THSD7B: variants seen among roughly 807,000 people sequenced by gnomAD.
THSD7B encodes thrombospondin type 1 domain containing 7B.
In THSD7B, 138 loss-of-function variants were observed where a neutral mutation model predicts 213.6. The observed-to-expected ratio is 0.65, with a 90% CI of 0.56 to 0.74. The LOEUF is 0.74. Ranked by LOEUF, THSD7B falls within the 30% of genes least tolerant of loss-of-function variation. The probability of loss-of-function intolerance (pLI) is 0.00; values close to 1 mark genes in which losing one functional copy is unlikely to be tolerated. For missense variants in THSD7B, 1,931 were observed against 1,991.5 expected (o/e 0.97, Z 0.58); for synonymous variants, 742 against 687.0 (o/e 1.08, Z -1.25).
At chr2:137,352,364 A>G (rs1478889722) in intron 12 of THSD7B, among the ~76,000 whole-genome samples, 1 of 151,952 alleles carries the variant, frequency 6.6e-6, no homozygotes, top group Non-Finnish European at 1.5e-5. Flanking sequence ...GAAAGTCCAC[A>G]TGCCAAGTTG....
At chr2:136,897,765 CAG>C (rs1229786188) in intron 2 of THSD7B, among the ~76,000 whole-genome samples, 1 of 152,150 alleles carries the variant, frequency 6.6e-6, no homozygotes, top group African/African-American at 2.4e-5. Context: ...TAGCTAGACA[CAG>C]AGCGCTGATT....
chr2:137,661,721 C>G (rs1040503070), intron 25 of THSD7B, among the ~76,000 whole-genome samples: 1 of 152,066 alleles, frequency 6.6e-6, no homozygotes, highest in Non-Finnish European at 1.5e-5. Context: ...CCTCTTTGAC[C>G]TTTGACTTGG....
chr2:137,164,528 G>A (rs978744717), intron 6 of THSD7B, among the ~76,000 whole-genome samples: 3 of 152,016 alleles, frequency 2.0e-5, no homozygotes, highest in African/African-American at 7.3e-5. Flanking sequence ...TCCCATTACT[G>A]GGTATATACC....
intron 14 of THSD7B, among the ~76,000 whole-genome samples, chr2:137,430,574 G>T (rs1687154978): frequency 6.6e-6 from 1 of 152,218 alleles, no homozygotes; most frequent in Non-Finnish European, 1.5e-5. Flanking sequence ...GAAACTCAGG[G>T]ACTCTGGCCC....
At chr2:137,032,231 T>A (rs998899867) in intron 2 of THSD7B, among the ~76,000 whole-genome samples, 1 of 151,964 alleles carries the variant, frequency 6.6e-6, no homozygotes, top group Non-Finnish European at 1.5e-5. Context: ...AGTTGGGACA[T>A]GAAGTTAAAA....
intron 5 of THSD7B, among the ~76,000 whole-genome samples, chr2:137,148,840 G>A (rs945698703): frequency 2.6e-5 from 4 of 152,166 alleles, no homozygotes; most frequent in African/African-American, 7.2e-5. Flanking sequence ...GCAGCCTGAC[G>A]ATGCCATTGA....
chr2:136,941,086 A>G (rs1684819058), intron 2 of THSD7B, among the ~76,000 whole-genome samples: 1 of 151,952 alleles, frequency 6.6e-6, no homozygotes, highest in East Asian at 1.9e-4. Flanking sequence ...ATTCCTATGT[A>G]TGAGTGAGAA....
At chr2:137,620,414 A>G (rs1309567576) in intron 19 of THSD7B, among the ~76,000 whole-genome samples, 195 bp from the exon 20 acceptor site, 6 of 152,214 alleles carry the variant, frequency 3.9e-5, no homozygotes, top group African/African-American at 1.4e-4. Context: ...TTTGGCTGAC[A>G]AATTTTTATT....
intron 2 of THSD7B, among the ~76,000 whole-genome samples, chr2:136,895,514 CTTTTTTTTTT>C (rs71301798): frequency 0.024 from 1,752 of 73,932 alleles, 72 homozygotes; most frequent in African/African-American, 0.082. Flanking sequence ...CAAGTGGAGA[CTTTTTTTTTT>C]TTTTTTTTTT....
At chr2:137,061,284 T>A (rs146228376) in intron 3 of THSD7B, among the ~76,000 whole-genome samples, 210 of 147,040 alleles carry the variant, frequency 1.4e-3, no homozygotes, top group African/African-American at 4.7e-3. Context: ...TAAATAAGCA[T>A]GTCAGCATGT....
chr2:137,012,051 AT>A (rs534918588), intron 2 of THSD7B, among the ~76,000 whole-genome samples: 23 of 152,322 alleles, frequency 1.5e-4, no homozygotes, highest in Middle Eastern at 3.4e-3. Flanking sequence ...ATTCACAAAA[AT>A]TCCACTAAAA....
At chr2:137,258,261 A>C (rs1682355032) in intron 10 of THSD7B, among the ~76,000 whole-genome samples, 1 of 152,196 alleles carries the variant, frequency 6.6e-6, no homozygotes, top group African/African-American at 2.4e-5. Context: ...TAAAGATATT[A>C]GCCTATGTTT....
intron 3 of THSD7B, among the ~76,000 whole-genome samples, chr2:137,067,192 G>T (rs996576433): frequency 6.6e-6 from 1 of 152,010 alleles, no homozygotes; most frequent in Non-Finnish European, 1.5e-5. Flanking sequence ...AATCTCATTT[G>T]GATGTTTGCT....
chr2:136,835,563 G>T (rs1417815211), intron 1 of THSD7B, among the ~76,000 whole-genome samples: 1 of 152,060 alleles, frequency 6.6e-6, no homozygotes, highest in East Asian at 1.9e-4. Flanking sequence ...TCTTCAGCAA[G>T]CTGACTTTTA....
At chr2:136,804,846 C>A (rs192665065) in intron 1 of THSD7B, among the ~76,000 whole-genome samples, 1 of 152,270 alleles carries the variant, frequency 6.6e-6, no homozygotes, top group Non-Finnish European at 1.5e-5. Flanking sequence ...ATGCAACTTT[C>A]TTCAGGCCTT....
chr2:137,172,501 G>T (rs575303295), intron 7 of THSD7B, among the ~76,000 whole-genome samples: 1 of 152,314 alleles, frequency 6.6e-6, no homozygotes, highest in South Asian at 2.1e-4. Flanking sequence ...GAGGGTGGCA[G>T]ATCCCAGCAA....
intron 2 of THSD7B, among the ~76,000 whole-genome samples, chr2:136,979,068 A>G (rs1445150544): frequency 1.3e-5 from 2 of 152,104 alleles, no homozygotes; most frequent in Admixed American, 1.3e-4. Flanking sequence ...TTGGCCAGAT[A>G]TGAAATTCTG....
chr2:137,211,245 C>A (rs1035291185), intron 7 of THSD7B, among the ~76,000 whole-genome samples: 17 of 141,540 alleles, frequency 1.2e-4, no homozygotes, highest in Admixed American at 5.2e-4. Context: ...ATTTTGTTCA[C>A]AAAATTTGAC....
rs1683730545 is a variant in THSD7B at position 137,677,511 on chromosome 2, G to C, written c.*906G>C. 6.6e-6 allele frequency: 1 copy of C among 152,416 alleles called. No individual in the cohort carries two copies. Among genetic ancestry groups the C allele is most frequent in the Non-Finnish European group, 1.5e-5 (1 of 68,014 alleles). The allele number at this position is 152,416 out of a possible 1,614,324, so 9.4% of individuals were successfully genotyped here. The stretch of plus-strand genomic sequence containing the variant: ...ATTCTTCTTTCAAATTTAATTATCT[G>C]ACCTCATTTAATATACATCAAACAC... On this transcript the variant is annotated 3_prime_UTR_variant, in exon 28 of 28. Coordinates refer to ENST00000409968, the MANE Select transcript of THSD7B (RefSeq NM_001316349.2).
Sources: allele counts gnomAD v4.1 joint callset (sites outside exome capture counted in the v4.1 genomes callset), GRCh38; gene constraint gnomAD v4.1.1; transcripts MANE v1.5; gene names NCBI Gene and HGNC (gene_info 2026-07-23, HGNC 2026-07-21).